The following CSMD3 variants were observed in gnomAD, a reference collection of about 807,000 sequenced individuals.
The protein encoded by CSMD3 is CUB and Sushi multiple domains 3, also known as CUB and sushi domain-containing protein 3.
In CSMD3, 177 loss-of-function variants were observed where a neutral mutation model predicts 435.2. The ratio of observed to expected loss-of-function variants is 0.41; its 90% CI spans 0.36 to 0.46. CSMD3 has a LOEUF of 0.46. CSMD3 is among the 20% of genes least tolerant of loss of function. CSMD3 has a pLI of 0.34. For missense variants in CSMD3, 4,265 were observed against 4,504.6 expected (o/e 0.95, Z 1.52); for synonymous variants, 1,656 against 1,520.5 (o/e 1.09, Z -2.07).
chr8:112,298,805 T>C (rs1820594089), intron 53 of CSMD3, among the ~76,000 whole-genome samples: 1 of 152,148 alleles, frequency 6.6e-6, no homozygotes, highest in South Asian at 2.1e-4. Flanking sequence ...GAAAGTTGGC[T>C]ATACCACATG....
At chr8:112,964,708 C>A (rs2084354245) in intron 7 of CSMD3, among the ~76,000 whole-genome samples, 1 of 151,806 alleles carries the variant, frequency 6.6e-6, no homozygotes, top group Non-Finnish European at 1.5e-5. Context: ...CATCTCTGGG[C>A]TCTGGATAAA....
At chr8:112,821,909 C>A (rs976570882) in intron 12 of CSMD3, among the ~76,000 whole-genome samples, 7 of 152,106 alleles carry the variant, frequency 4.6e-5, no homozygotes, top group African/African-American at 1.4e-4. Flanking sequence ...AATAAGAAAC[C>A]CTTTCTCCAT....
chr8:112,663,139 T>C (rs1412341906), intron 17 of CSMD3, among the ~76,000 whole-genome samples: 2 of 152,232 alleles, frequency 1.3e-5, no homozygotes, highest in East Asian at 3.9e-4. Flanking sequence ...TTACTGGGTA[T>C]ATACCCAAAG....
chr8:112,659,443 T>A (rs1414065206), intron 17 of CSMD3, among the ~76,000 whole-genome samples: 1 of 152,216 alleles, frequency 6.6e-6, no homozygotes. Context: ...TTATTCAATT[T>A]TTGTTGTCTT....
Position 112,459,648 on chromosome 8 carries a change from T to C in CSMD3, c.5395+12943A>G, listed in dbSNP as rs79986853. ...ATATACTAACAAGAACAATTAAGCA[T>C]TTCTGTTTCATTGGGCATTAGGTAG... is the stretch of plus-strand genomic sequence containing the variant. On this transcript the variant is annotated intron_variant, in intron 32 of 70. Transcript: ENST00000297405. Among the ~76,000 whole-genome samples, 333 of 152,252 alleles carry C rather than the reference T, an allele frequency of 2.2e-3. 2 individuals carry two copies. The highest frequency in any genetic ancestry group is 7.7e-3 in the African/African-American group (322 of 41,562).
intron 5 of CSMD3, among the ~76,000 whole-genome samples, chr8:113,043,814 G>GA (rs898975138): frequency 2.5e-4 from 37 of 148,580 alleles, no homozygotes; most frequent in East Asian, 2.0e-3. Flanking sequence ...CTTAATTTTG[G>GA]AAAAAAAAAT....
intron 18 of CSMD3, 118 bp from the exon 19 acceptor site, chr8:112,650,467 T>C (rs1302856238): frequency 1.2e-6 from 1 of 829,610 alleles, no homozygotes; most frequent in Non-Finnish European, 2.0e-6. Flanking sequence ...AAGGTACTCG[T>C]ACTTCATTTT....
intron 47 of CSMD3, among the ~76,000 whole-genome samples, chr8:112,317,038 G>A (rs1822543281): frequency 6.6e-6 from 1 of 151,934 alleles, no homozygotes; most frequent in Non-Finnish European, 1.5e-5. Context: ...AAAATGTAAA[G>A]TTAGTTTTTT....
At chr8:113,161,791 C>T (rs1268217472) in intron 4 of CSMD3, among the ~76,000 whole-genome samples, 2 of 152,108 alleles carry the variant, frequency 1.3e-5, no homozygotes, top group African/African-American at 2.4e-5. Context: ...TTGAAAGATG[C>T]TTGCAACCAA....
At chr8:112,983,956 A>G (rs550649304) in intron 6 of CSMD3, among the ~76,000 whole-genome samples, 30 of 152,090 alleles carry the variant, frequency 2.0e-4, no homozygotes, top group Non-Finnish European at 4.0e-4. Context: ...ACTTTCCTGC[A>G]ACAGACATTT....
intron 5 of CSMD3, among the ~76,000 whole-genome samples, chr8:113,078,119 T>C (rs1398013751): frequency 6.6e-6 from 1 of 152,168 alleles, no homozygotes; most frequent in East Asian, 1.9e-4. Flanking sequence ...TGGCATAAGA[T>C]GCCATTTACA....
chr8:113,295,247 G>A (rs527340934), intron 2 of CSMD3, among the ~76,000 whole-genome samples: 2 of 152,202 alleles, frequency 1.3e-5, no homozygotes, highest in South Asian at 4.1e-4. Context: ...TAATCACCCT[G>A]TCATGTAGAA....
intron 13 of CSMD3, among the ~76,000 whole-genome samples, chr8:112,710,481 G>A (rs911583406): frequency 2.0e-5 from 3 of 151,878 alleles, no homozygotes; most frequent in Non-Finnish European, 4.4e-5. Context: ...TGTACTGGCC[G>A]ATTATGTTTT....
At chr8:112,930,883 T>A (rs2083085163) in intron 9 of CSMD3, among the ~76,000 whole-genome samples, 1 of 152,100 alleles carries the variant, frequency 6.6e-6, no homozygotes. Context: ...ACCCCTTGAA[T>A]CCTATATGGA....
rs766456924 is a variant in CSMD3, at chr8:112,341,547, G to A, written c.6582C>T (p.Thr2194=). 1.3e-5 allele frequency: 21 copies of A among 1,613,268 alleles called. No homozygotes were observed. Among genetic ancestry groups the A allele is most frequent in the Middle Eastern group, 3.3e-4 (2 of 6,058 alleles). ...TGTGAAAATATAAGCTGGTTTCATG[G>A]GTGGTGCTGAATAAGGAAGATGGTA... ...PQIPSSLFST[T]HETSLYFHSD... The change falls in exon 42 of 71, where the codon ACC becomes ACT. Residue 2194 remains threonine (T), a synonymous_variant. Transcript: ENST00000297405.
At chr8:113,046,738 T>G (rs1272024324) in intron 5 of CSMD3, among the ~76,000 whole-genome samples, 1 of 151,946 alleles carries the variant, frequency 6.6e-6, no homozygotes, top group Non-Finnish European at 1.5e-5. Context: ...CATAAGGGAG[T>G]CAGGGACTTG....
At chr8:112,304,618 G>A in intron 52 of CSMD3, 103 bp downstream of exon 52, 1 of 866,536 alleles carries the variant, frequency 1.2e-6, no homozygotes, top group Non-Finnish European at 1.9e-6. Flanking sequence ...TATTAGTAAT[G>A]TCATCCAATT....
At chr8:113,263,961 G>A (rs1204201054) in intron 3 of CSMD3, among the ~76,000 whole-genome samples, 5 of 151,318 alleles carry the variant, frequency 3.3e-5, no homozygotes, top group Non-Finnish European at 5.9e-5. Flanking sequence ...TAAAATAATT[G>A]AGACTTATTA....
intron 13 of CSMD3, among the ~76,000 whole-genome samples, chr8:112,796,834 A>G (rs2078840999): frequency 6.6e-6 from 1 of 152,020 alleles, no homozygotes; most frequent in African/African-American, 2.4e-5. Flanking sequence ...ACTTTGTTAC[A>G]TCTACAAGGA....
Sources: gnomAD v4.1 joint callset for allele counts (sites outside exome capture counted in the v4.1 genomes callset) on GRCh38, gnomAD v4.1.1 for gene constraint, MANE v1.5 for transcripts, NCBI Gene and HGNC (gene_info 2026-07-23, HGNC 2026-07-21) for gene names.